FBLN1: variants seen among roughly 807,000 people sequenced by gnomAD.
FBLN1 encodes fibulin 1.
A neutral mutation model predicts 89.7 loss-of-function variants in FBLN1; 34 were observed. The ratio of observed to expected loss-of-function variants is 0.38; its 90% CI spans 0.29 to 0.50. The LOEUF is 0.50. Ranked by LOEUF, FBLN1 falls within the 20% of genes least tolerant of loss-of-function variation. FBLN1 has a pLI of 0.92. For synonymous variants in FBLN1, 393 were observed against 391.3 expected, an observed-to-expected ratio of 1.00 and a Z score of -0.05; for missense variants, 777 against 988.1, an observed-to-expected ratio of 0.79 and a Z score of 2.86.
At chr22:45,512,665 G>C (rs2088116884) in intron 1 of FBLN1, among the ~76,000 whole-genome samples, 1 of 152,222 alleles carries the variant, frequency 6.6e-6, no homozygotes. Context: ...GGCACAGCCA[G>C]GGTGGGGCTG....
At position 45,526,688 on chromosome 22, in the gene FBLN1, G is replaced by T. The variant is rs1197397583; in HGVS notation, c.321+1010G>T. 2.0e-5 allele frequency among the ~76,000 whole-genome samples: 3 copies of T among 152,226 alleles called. No homozygotes were observed. The East Asian group carries it at 5.8e-4, about 29-fold the overall frequency. On this transcript the variant is annotated intron_variant, in intron 3 of 16. Transcript: ENST00000327858. ...CTGTGGAGGGACTCCGTGTGGAGGA[G>T]TTGGGGGTCCCGAGTCCCCTGCCCA...
At chr22:45,573,052 C>T (rs2088963672) in intron 14 of FBLN1, among the ~76,000 whole-genome samples, 1 of 151,990 alleles carries the variant, frequency 6.6e-6, no homozygotes, top group South Asian at 2.1e-4. Flanking sequence ...CATGGTGAAG[C>T]CCCATCTCTA....
chr22:45,532,906 C>A lies in FBLN1; in HGVS notation c.545-157C>A. 1 of 678,700 alleles carries A rather than the reference C, an allele frequency of 1.5e-6. No individual in the cohort carries two copies. 42.0% of individuals were successfully genotyped at this position (678,700 alleles called of 1,614,324 possible). A position where few individuals can be genotyped will look rare whatever the true frequency, so the allele number is the denominator to read the frequency against. ...GTGTCCAGAGCCAGAGCCTGGGGGT[C>A]TCCCAGTAGGGCAGCAGGTGGGCTC... is the stretch of plus-strand genomic sequence containing the variant. On this transcript the variant is annotated intron_variant, in intron 5 of 16. Transcript: ENST00000327858. This position sits in a 1 kb window ranked among gnomAD's most constrained non-coding sequence, Gnocchi z 4.2.
chr22:45,569,923 T>TG (rs1292928024), intron 14 of FBLN1, among the ~76,000 whole-genome samples: 1 of 152,104 alleles, frequency 6.6e-6, no homozygotes, highest in Non-Finnish European at 1.5e-5. Context: ...AGAGACAGAA[T>TG]GATATCCCTC....
At position 45,542,146 on chromosome 22, in the gene FBLN1, C is replaced by T; in HGVS notation, c.1067-9C>T. The T allele has an allele frequency of 6.2e-7, 1 of 1,614,214 alleles. No individual in the cohort carries two copies. Among genetic ancestry groups the T allele is most frequent in the Non-Finnish European group, 8.5e-7 (1 of 1,180,048 alleles). On this transcript the variant is annotated splice_polypyrimidine_tract_variant and intron_variant, in intron 9 of 16. Transcript: ENST00000327858. ...GGTTTTCATCATGGCTTTCTTTCTC[C>T]TTTGCAAGATGTGGACGAGTGCGCG...
Position 45,600,480 on chromosome 22 carries a change from C to T in FBLN1, c.*34C>T, listed in dbSNP as rs1920925363. 6.2e-7 allele frequency: 1 copy of T among 1,613,642 alleles called. No individual in the cohort carries two copies. Among genetic ancestry groups the T allele is most frequent in the Admixed American group, 1.7e-5 (1 of 60,014 alleles). On this transcript the variant is annotated 3_prime_UTR_variant, in exon 17 of 17. Coordinates refer to ENST00000327858, the MANE Select transcript of FBLN1 (RefSeq NM_006486.3). ...CTGCCGCACAGCCGCAGGTGCACCT[C>T]CAGGCCAAATCATTGCTGCCAGTGA...
intron 2 of FBLN1, 70 bp downstream of exon 2, chr22:45,518,857 CAG>C (rs1386858517): frequency 3.0e-6 from 4 of 1,321,704 alleles, no homozygotes; most frequent in Non-Finnish European, 4.3e-6. Context: ...GAGGAAGGGA[CAG>C]TGTGTGCCAG....
intron 16 of FBLN1, among the ~76,000 whole-genome samples, chr22:45,594,212 G>T (rs953959173): frequency 2.0e-5 from 3 of 152,140 alleles, no homozygotes; most frequent in Non-Finnish European, 4.4e-5. Flanking sequence ...TCCTTCCCTT[G>T]CCTCCCTGTG....
rs1279764066 is a variant in FBLN1 at position 45,556,955 on chromosome 22, G to A, written c.1697+6340G>A. ...CCTGGACCCGTGAATCCTGGCTATG[G>A]GAGAAACAGTGCCATAATATTGGAC... On this transcript the variant is annotated intron_variant, in intron 14 of 16. Transcript: ENST00000327858. This position sits in a 1 kb window ranked among gnomAD's most constrained non-coding sequence, Gnocchi z 4.6. Among the ~76,000 whole-genome samples the A allele has an allele frequency of 6.6e-6, 1 of 152,056 alleles. No homozygotes were observed. Among genetic ancestry groups the A allele is most frequent in the African/African-American group, 2.4e-5 (1 of 41,378 alleles).
chr22:45,522,145 G>A (rs996637020), intron 2 of FBLN1, among the ~76,000 whole-genome samples: 2 of 152,030 alleles, frequency 1.3e-5, no homozygotes, highest in South Asian at 2.1e-4. Context: ...GTCACCATGC[G>A]TGGCTAATTT....
intron 1 of FBLN1, among the ~76,000 whole-genome samples, chr22:45,507,071 C>T (rs574791702): frequency 6.6e-6 from 1 of 152,042 alleles, no homozygotes; most frequent in African/African-American, 2.4e-5. Flanking sequence ...TGTCAACTTC[C>T]CTGGGATAGG....
Position 45,531,253 on chromosome 22 carries a change from T to C in FBLN1, c.485-12T>C. ...TTGGATAAATGTCTGACTTGGTCTTTTTCCCCCTTAGATAAGATCATTGAG... is the reference window on the plus strand; with the variant it reads ...TTGGATAAATGTCTGACTTGGTCTTCTTCCCCCTTAGATAAGATCATTGAG... On this transcript the variant is annotated splice_polypyrimidine_tract_variant and intron_variant, in intron 4 of 16. Transcript: ENST00000327858. The surrounding 1 kb of genome is among the most constrained non-coding windows in gnomAD (Gnocchi z 4.9). 1 of 1,613,522 alleles carries C rather than the reference T, an allele frequency of 6.2e-7. No individual in the cohort carries two copies.
chr22:45,508,286 C>CTTTTTTTTTTT lies in FBLN1; in HGVS notation c.79+5231_79+5232insTTTTTTTTTTT, dbSNP rs1350335831. 1.3e-3 allele frequency among the ~76,000 whole-genome samples: 165 copies of CTTTTTTTTTTT among 129,134 alleles called. 6 individuals carry two copies. Among genetic ancestry groups the CTTTTTTTTTTT allele is most frequent in the African/African-American group, 4.4e-3 (153 of 34,716 alleles). 84.7% of individuals were successfully genotyped at this position (129,134 alleles called of 152,430 possible). ...CAGCACACTGGACAGCCTCGCGTAT[C>CTTTTTTTTTTT]TTTTTTTTTGAGACGGAGTCTTGCA... is the stretch of plus-strand genomic sequence containing the variant. On this transcript the variant is annotated intron_variant, in intron 1 of 16. Coordinates refer to ENST00000327858, the MANE Select transcript of FBLN1 (RefSeq NM_006486.3).
rs2089060704 is a variant in FBLN1, at chr22:45,583,679, C to T, written c.1972+6571C>T. On this transcript the variant is annotated intron_variant, in intron 16 of 16. Coordinates refer to ENST00000327858, the MANE Select transcript of FBLN1 (RefSeq NM_006486.3). This position sits in a 1 kb window ranked among gnomAD's most constrained non-coding sequence, Gnocchi z 4.5. ...CCAGTCAGGTGAGACGCAGAGAAGA[C>T]AGCACAATCAACACAGGAAGTAACA... Among the ~76,000 whole-genome samples, 1 of 152,174 alleles carries T rather than the reference C, an allele frequency of 6.6e-6. No homozygotes were observed. Among genetic ancestry groups the T allele is most frequent in the South Asian group, 2.1e-4 (1 of 4,824 alleles).
Position 45,575,261 on chromosome 22 carries a change from C to T in FBLN1, c.1840+608C>T, listed in dbSNP as rs139347610. ...GCACTGGAGAATCAGGGAGGGCCTC[C>T]GGGAGGAAGTGATGGCTAGGCTGGG... is the stretch of plus-strand genomic sequence containing the variant. On this transcript the variant is annotated intron_variant, in intron 15 of 16. Coordinates refer to ENST00000327858, the MANE Select transcript of FBLN1 (RefSeq NM_006486.3). This position sits in a 1 kb window ranked among gnomAD's most constrained non-coding sequence, Gnocchi z 6.3. 3.8e-4 allele frequency among the ~76,000 whole-genome samples: 58 copies of T among 152,030 alleles called. No individual in the cohort carries two copies. Among genetic ancestry groups the T allele is most frequent in the Middle Eastern group, 6.8e-3 (2 of 294 alleles).
intron 16 of FBLN1, among the ~76,000 whole-genome samples, chr22:45,593,332 G>C (rs896024536): frequency 1.3e-5 from 2 of 152,148 alleles, no homozygotes; most frequent in Non-Finnish European, 2.9e-5. Context: ...TCGTGTTCAG[G>C]ATCCTGGATC....
intron 12 of FBLN1, among the ~76,000 whole-genome samples, chr22:45,548,089 C>T (rs1248251273): frequency 6.6e-6 from 1 of 152,154 alleles, no homozygotes; most frequent in Non-Finnish European, 1.5e-5. Context: ...AGCTCTGTCA[C>T]CCAGGTTGGA....
intron 3 of FBLN1, 54 bp downstream of exon 3, chr22:45,525,732 C>A: frequency 6.5e-7 from 1 of 1,549,554 alleles, no homozygotes; most frequent in Non-Finnish European, 8.7e-7. Context: ...GTCGGCAGAC[C>A]CAGGCCCTCC....
Position 45,535,314 on chromosome 22 carries a change from A to G in FBLN1, c.899A>G (p.Gln300Arg). 1 of 1,614,224 alleles carries G rather than the reference A, an allele frequency of 6.2e-7. No homozygotes were observed. The highest frequency in any genetic ancestry group is 8.5e-7 in the Non-Finnish European group (1 of 1,180,028). Residue 300 changes from glutamine (Q) to arginine (R), a missense_variant, in exon 8 of 17, where the codon CAA becomes CGA. Transcript: ENST00000327858. ...CTACAGTGCAAGAGTGGCTTTATAC[A>G]AGATGCTCTAGGCAACTGTATTGGT... ...PKLQCKSGFI[Q>R]DALGNCIDIN... is the part of the protein sequence containing the mutation.
Sources: gnomAD v4.1 joint callset for allele counts (sites outside exome capture counted in the v4.1 genomes callset) on GRCh38, gnomAD v4.1.1 for gene constraint, Gnocchi (gnomAD v3.1) non-coding constraint, MANE v1.5 for transcripts, NCBI Gene and HGNC (gene_info 2026-07-23, HGNC 2026-07-21) for gene names.